PKHD1: variants seen among roughly 807,000 people sequenced by gnomAD.
The protein encoded by PKHD1 is fibrocystin.
In PKHD1, 291 loss-of-function variants were observed where a neutral mutation model predicts 412.0. The observed-to-expected ratio is 0.71, with a 90% CI of 0.64 to 0.78. The LOEUF (loss-of-function observed/expected upper bound fraction) is 0.78, where lower values mean the gene tolerates loss of function less well. Among genes scored for constraint, PKHD1 ranks in the 30% least tolerant of loss-of-function variants. PKHD1 has a pLI of 0.00. For synonymous variants in PKHD1, 1,777 were observed against 1,821.5 expected (o/e 0.98, Z 0.62); for missense variants, 4,825 against 4,950.7 (o/e 0.97, Z 0.76).
intron 52 of PKHD1, among the ~76,000 whole-genome samples, chr6:51,823,627 G>C (rs1766828015): frequency 6.6e-6 from 1 of 151,998 alleles, no homozygotes; most frequent in Admixed American, 6.6e-5. Context: ...ATTAAGATTG[G>C]AAAAAGAATC....
At position 51,912,894 on chromosome 6, in the gene PKHD1, C is replaced by T. The variant is rs112901745; in HGVS notation, c.6122-318G>A. On this transcript the variant is annotated intron_variant, in intron 37 of 66. Coordinates refer to ENST00000371117, the MANE Select transcript of PKHD1 (RefSeq NM_138694.4). ...GAATCACGATCTTTTCATATTCTAA[C>T]CCTATTCTTTAGGGTAATAAACTTG... 1.2e-3 allele frequency among the ~76,000 whole-genome samples: 178 copies of T among 152,152 alleles called. 1 individual carries two copies. Among genetic ancestry groups the T allele is most frequent in the Middle Eastern group, 0.01 (3 of 294 alleles).
At chr6:51,798,054 G>C (rs2148456) in intron 52 of PKHD1, among the ~76,000 whole-genome samples, 1 of 151,972 alleles carries the variant, frequency 6.6e-6, no homozygotes, top group African/African-American at 2.4e-5. Context: ...TTCACTTTCA[G>C]TTATGAAGCT....
At chr6:51,904,462 T>G (rs1251038947) in intron 41 of PKHD1, among the ~76,000 whole-genome samples, 1 of 151,972 alleles carries the variant, frequency 6.6e-6, no homozygotes, top group Non-Finnish European at 1.5e-5. Context: ...ACCACTGAGG[T>G]TGGAATAGAA....
rs374520340 is a variant in PKHD1, at chr6:51,815,026, T to C, written c.8302+15835A>G. On this transcript the variant is annotated intron_variant, in intron 52 of 66. Coordinates refer to ENST00000371117, the MANE Select transcript of PKHD1 (RefSeq NM_138694.4). ...AAATCAGCACCTCTTTGTCAGTTGC[T>C]AAGGTTCTCAGGGAACGGCCACCCT... Among the ~76,000 whole-genome samples the C allele has an allele frequency of 7.0e-4, 106 of 152,276 alleles. 1 individual carries two copies. Among genetic ancestry groups the C allele is most frequent in the African/African-American group, 2.5e-3 (102 of 41,540 alleles).
intron 47 of PKHD1, among the ~76,000 whole-genome samples, chr6:51,868,865 T>C (rs1775507619): frequency 6.6e-6 from 1 of 152,148 alleles, no homozygotes; most frequent in South Asian, 2.1e-4. Flanking sequence ...TGTGACTCAT[T>C]GGTACTATCA....
intron 60 of PKHD1, 57 bp downstream of exon 60, chr6:51,744,328 G>A: frequency 6.8e-7 from 1 of 1,479,614 alleles, no homozygotes; most frequent in Middle Eastern, 2.0e-4. Flanking sequence ...AGCAAAACCA[G>A]CTCCTTCACA....
intron 60 of PKHD1, among the ~76,000 whole-genome samples, chr6:51,738,600 A>G (rs1784156662): frequency 6.6e-6 from 1 of 152,214 alleles, no homozygotes; most frequent in African/African-American, 2.4e-5. Flanking sequence ...GTGTAAGAGT[A>G]TCAAAACATC....
At chr6:51,823,835 C>T (rs1766873851) in intron 52 of PKHD1, among the ~76,000 whole-genome samples, 1 of 152,174 alleles carries the variant, frequency 6.6e-6, no homozygotes, top group Non-Finnish European at 1.5e-5. Context: ...GTTTAGGGGA[C>T]TGCTGCTACT....
intron 35 of PKHD1, among the ~76,000 whole-genome samples, chr6:51,963,504 C>G (rs1287686668): frequency 6.6e-6 from 1 of 152,138 alleles, no homozygotes. Flanking sequence ...TGCTTACCAG[C>G]TACCTGGGGA....
chr6:51,921,855 C>T (rs1450062600), intron 37 of PKHD1, among the ~76,000 whole-genome samples: 1 of 152,144 alleles, frequency 6.6e-6, no homozygotes, highest in Non-Finnish European at 1.5e-5. Context: ...TTTGTAGCTT[C>T]TTTGTGAGGG....
chr6:51,842,116 T>C (rs1432855775), intron 50 of PKHD1, among the ~76,000 whole-genome samples: 2 of 152,236 alleles, frequency 1.3e-5, no homozygotes, highest in Non-Finnish European at 2.9e-5. Flanking sequence ...GACACAAGTG[T>C]TGGCCAGCCT....
chr6:51,655,364 T>A (rs2150393905), intron 61 of PKHD1, among the ~76,000 whole-genome samples: 1 of 152,294 alleles, frequency 6.6e-6, no homozygotes, highest in Admixed American at 6.5e-5. Context: ...AAGACTTGTA[T>A]AATTGATTGG....
rs886061592 is a variant in PKHD1 at position 51,615,758 on chromosome 6, A to G, written c.*3323T>C. On this transcript the variant is annotated 3_prime_UTR_variant, in exon 67 of 67. Coordinates refer to ENST00000371117, the MANE Select transcript of PKHD1 (RefSeq NM_138694.4). Reference sequence around the variant, plus strand: ...TAGATGGAAGGGAGTCATTCAACTAAATTGTTGAAAGGGGAAGGCCCTGAG... The same window carrying G: ...TAGATGGAAGGGAGTCATTCAACTAGATTGTTGAAAGGGGAAGGCCCTGAG... The G allele has an allele frequency of 2.0e-5, 3 of 152,186 alleles. No individual in the cohort carries two copies. Among genetic ancestry groups the G allele is most frequent in the Non-Finnish European group, 4.4e-5 (3 of 68,044 alleles). 9.4% of individuals were successfully genotyped at this position (152,186 alleles called of 1,614,324 possible).
At chr6:51,932,650 T>C (rs1786823448) in intron 37 of PKHD1, among the ~76,000 whole-genome samples, 1 of 152,226 alleles carries the variant, frequency 6.6e-6, no homozygotes, top group South Asian at 2.1e-4. Flanking sequence ...AGTTGCTTGC[T>C]GATGAAGATA....
chr6:51,754,736 G>A (rs1453895136), intron 56 of PKHD1, 48 bp downstream of exon 56: 2 of 1,557,224 alleles, frequency 1.3e-6, no homozygotes, highest in Admixed American at 3.3e-5. Context: ...ACCAAACATG[G>A]TCTTCCTAGC....
In PKHD1 at chr6:51,617,649, T is replaced by A. The variant is rs1766180250; in HGVS notation, c.*1432A>T. On this transcript the variant is annotated 3_prime_UTR_variant, in exon 67 of 67. Transcript: ENST00000371117. ...TCCTTTTAGGGACAGCCTGAAGATC[T>A]GCAATACTCACCAGATGCCTAAAGA... 1 of 152,022 alleles carries A rather than the reference T, an allele frequency of 6.6e-6. No homozygotes were observed. The highest frequency in any genetic ancestry group is 2.1e-4 in the South Asian group (1 of 4,802). 9.4% of individuals were successfully genotyped at this position (152,022 alleles called of 1,614,324 possible). A position where few individuals can be genotyped will look rare whatever the true frequency, so the allele number is the denominator to read the frequency against.
At chr6:52,081,801 AG>A (rs1448106450) in intron 4 of PKHD1, among the ~76,000 whole-genome samples, 1 of 152,128 alleles carries the variant, frequency 6.6e-6, no homozygotes, top group Admixed American at 6.5e-5. Flanking sequence ...AGGAAATAAC[AG>A]TGTTTTTTTT....
chr6:51,681,158 A>C (rs749494695), intron 60 of PKHD1, among the ~76,000 whole-genome samples: 2 of 152,036 alleles, frequency 1.3e-5, no homozygotes, highest in Admixed American at 6.6e-5. Flanking sequence ...ATGAGAAATG[A>C]CTTTTTCCCC....
intron 60 of PKHD1, chr6:51,740,108 A>T (rs908483999): frequency 2.1e-6 from 1 of 487,674 alleles, no homozygotes; most frequent in Admixed American, 2.1e-5. Flanking sequence ...TTCTCAGAAG[A>T]TCACCTGCTT....
Sources: gnomAD v4.1 joint callset for allele counts (sites outside exome capture counted in the v4.1 genomes callset) on GRCh38, gnomAD v4.1.1 for gene constraint, MANE v1.5 for transcripts, NCBI Gene and HGNC (gene_info 2026-07-23, HGNC 2026-07-21) for gene names.